Variants in RBFOX1 observed in about 807,000 individuals in gnomAD.
RBFOX1 encodes the protein RNA binding fox-1 homolog 1.
RBFOX1 carries 8 observed loss-of-function variants against 57.7 expected under a neutral mutation model. The ratio of observed to expected loss-of-function variants is 0.14; its 90% CI spans 0.08 to 0.25. The LOEUF is 0.25. RBFOX1 is among the 10% of genes least tolerant of loss of function. The probability of loss-of-function intolerance (pLI) is 1.00; values close to 1 mark genes in which losing one functional copy is unlikely to be tolerated. For synonymous variants in RBFOX1, 326 were observed against 222.4 expected, an observed-to-expected ratio of 1.47 and a Z score of -4.15; for missense variants, 611 against 548.5, an observed-to-expected ratio of 1.11 and a Z score of -1.14.
At chr16:6,965,035 C>T (rs1233069900) in intron 3 of RBFOX1, among the ~76,000 whole-genome samples, 1 of 152,092 alleles carries the variant, frequency 6.6e-6, no homozygotes, top group Non-Finnish European at 1.5e-5. Context: ...TTTATTATCT[C>T]TAGGTTCTCC....
chr16:6,336,864 G>C (rs144195551), intron 2 of RBFOX1, among the ~76,000 whole-genome samples: 4 of 152,118 alleles, frequency 2.6e-5, no homozygotes, highest in African/African-American at 9.7e-5. Context: ...GACAAATGAA[G>C]TTACTTCATT....
At chr16:5,906,323 C>A (rs563290072) in intron 4 of RBFOX1, among the ~76,000 whole-genome samples, 1 of 152,142 alleles carries the variant, frequency 6.6e-6, no homozygotes, top group African/African-American at 2.4e-5. Context: ...GACACAAACA[C>A]GCACGTGGGG....
At chr16:6,104,001 T>G (rs375817249) in intron 1 of RBFOX1, among the ~76,000 whole-genome samples, 33 of 152,268 alleles carry the variant, frequency 2.2e-4, no homozygotes, top group African/African-American at 7.9e-4. Flanking sequence ...CTTCCTCTGT[T>G]CCCAGTTCTT....
chr16:7,189,481 G>C, intron 4 of RBFOX1, among the ~76,000 whole-genome samples: 1 of 140,618 alleles, frequency 7.1e-6, no homozygotes, highest in East Asian at 2.2e-4. Context: ...CTCATAGGGA[G>C]ACCCACACTG....
intron 2 of RBFOX1, among the ~76,000 whole-genome samples, chr16:6,348,591 A>G (rs1315977713): frequency 6.6e-6 from 1 of 152,178 alleles, no homozygotes; most frequent in Non-Finnish European, 1.5e-5. Flanking sequence ...AGATGGCAGA[A>G]TCTGCATCTG....
intron 2 of RBFOX1, among the ~76,000 whole-genome samples, chr16:6,538,799 T>G (rs184450946): frequency 6.6e-6 from 1 of 152,336 alleles, no homozygotes; most frequent in East Asian, 1.9e-4. Flanking sequence ...CTGTCTTGTT[T>G]GCTAATATGC....
intron 4 of RBFOX1, among the ~76,000 whole-genome samples, chr16:7,192,672 G>C (rs1195963704): frequency 6.6e-6 from 1 of 152,050 alleles, no homozygotes; most frequent in Non-Finnish European, 1.5e-5. Flanking sequence ...TCAATTTCCT[G>C]GTACCCATCA....
At chr16:7,048,641 C>G (rs562951202) in intron 3 of RBFOX1, among the ~76,000 whole-genome samples, 1 of 152,002 alleles carries the variant, frequency 6.6e-6, no homozygotes, top group Non-Finnish European at 1.5e-5. Context: ...TTTTTTCTTA[C>G]CGTTTGGAGT....
chr16:7,273,702 A>C (rs1269150629), intron 4 of RBFOX1, among the ~76,000 whole-genome samples: 7 of 152,230 alleles, frequency 4.6e-5, no homozygotes, highest in Non-Finnish European at 1.0e-4. Context: ...TTATTTTTAA[A>C]TACAGGACGT....
At chr16:5,821,782 G>T (rs959077316) in intron 3 of RBFOX1, among the ~76,000 whole-genome samples, 1 of 152,150 alleles carries the variant, frequency 6.6e-6, no homozygotes, top group Admixed American at 6.5e-5. Context: ...TTTAGTGAGG[G>T]CTGCCCTCTT....
chr16:7,431,113 C>G (rs1033300759), intron 4 of RBFOX1: 1 of 152,194 alleles, frequency 6.6e-6, no homozygotes, highest in Non-Finnish European at 1.5e-5. Flanking sequence ...CCCAAACTGA[C>G]TAATTATCTA....
At chr16:6,140,865 T>A (rs953928862) in intron 1 of RBFOX1, among the ~76,000 whole-genome samples, 1 of 152,208 alleles carries the variant, frequency 6.6e-6, no homozygotes, top group Non-Finnish European at 1.5e-5. Context: ...GGTCACCCAT[T>A]TACTACCCTT....
At chr16:5,522,911 C>G (rs1354293653) in intron 2 of RBFOX1, among the ~76,000 whole-genome samples, 3 of 152,136 alleles carry the variant, frequency 2.0e-5, no homozygotes, top group Admixed American at 6.5e-5. Context: ...CATCGTGTAT[C>G]TATATCACAT....
intron 1 of RBFOX1, among the ~76,000 whole-genome samples, chr16:5,436,242 T>A (rs1359977470): frequency 6.6e-6 from 1 of 152,190 alleles, no homozygotes; most frequent in East Asian, 1.9e-4. Context: ...GACTTACCTG[T>A]GTTCCTTTTC....
intron 2 of RBFOX1, among the ~76,000 whole-genome samples, chr16:6,361,150 G>A (rs911731831): frequency 1.3e-5 from 2 of 152,050 alleles, no homozygotes; most frequent in African/African-American, 4.8e-5. Flanking sequence ...CGAATGTCAT[G>A]TTATCAGGTT....
intron 1 of RBFOX1, among the ~76,000 whole-genome samples, chr16:5,367,558 A>G (rs2065752022): frequency 6.6e-6 from 1 of 152,186 alleles, no homozygotes; most frequent in African/African-American, 2.4e-5. Flanking sequence ...AGGTTCTTAC[A>G]AACCTTCCCC....
At chr16:6,308,678 T>G (rs1368406013) in intron 1 of RBFOX1, among the ~76,000 whole-genome samples, 1 of 152,138 alleles carries the variant, frequency 6.6e-6, no homozygotes, top group Non-Finnish European at 1.5e-5. Flanking sequence ...TGGTGTCACG[T>G]TTGGTATGCA....
At chr16:5,864,131 A>G (rs74941726) in intron 3 of RBFOX1, among the ~76,000 whole-genome samples, 1 of 151,962 alleles carries the variant, frequency 6.6e-6, no homozygotes, top group Non-Finnish European at 1.5e-5. Flanking sequence ...TTTAGCTCCA[A>G]CTTCTAGGTG....
At chr16:5,776,013 A>T (rs1488863190) in intron 3 of RBFOX1, among the ~76,000 whole-genome samples, 1 of 151,910 alleles carries the variant, frequency 6.6e-6, no homozygotes, top group African/African-American at 2.4e-5. Context: ...CTGCAGGGCA[A>T]AGAGCTCTTC....
Sources: allele counts gnomAD v4.1 joint callset (sites outside exome capture counted in the v4.1 genomes callset), GRCh38; gene constraint gnomAD v4.1.1; transcripts MANE v1.5; gene names NCBI Gene and HGNC (gene_info 2026-07-23, HGNC 2026-07-21).